Variants in DPYSL3 observed in about 807,000 individuals in gnomAD.
DPYSL3 encodes dihydropyrimidinase like 3.
DPYSL3 carries 16 observed loss-of-function variants against 66.1 expected under a neutral mutation model. The observed-to-expected ratio is 0.24, with a 90% CI of 0.16 to 0.37. The LOEUF is 0.37. Ranked by LOEUF, DPYSL3 falls within the 10% of genes least tolerant of loss-of-function variation. The pLI, the probability that DPYSL3 is intolerant of heterozygous loss-of-function variation, is 1.00. For synonymous variants in DPYSL3, 338 were observed against 345.1 expected (o/e 0.98, Z 0.23); for missense variants, 738 against 916.2 (o/e 0.81, Z 2.51).
rs750768155 is a variant in DPYSL3, at chr5:147,408,764, A to G, written c.996T>C (p.Thr332=). 6.2e-7 allele frequency: 1 copy of G among 1,614,240 alleles called. No homozygotes were observed. The highest frequency in any genetic ancestry group is 8.5e-7 in the Non-Finnish European group (1 of 1,180,034). The change falls in exon 7 of 14, where the codon ACT becomes ACC. Residue 332 remains threonine (T), a synonymous_variant. Coordinates refer to ENST00000343218, the MANE Select transcript of DPYSL3 (RefSeq NM_001197294.2). ...EQTRMLEMGI[T]GPEGHVLSRP... Reference sequence around the variant, plus strand: ...TGCTCAGTACATGGCCTTCTGGGCCAGTTATCCCCATTTCCAACATGCGGG... The same window carrying G: ...TGCTCAGTACATGGCCTTCTGGGCCGGTTATCCCCATTTCCAACATGCGGG...
At chr5:147,471,302 GA>G (rs922781660) in intron 1 of DPYSL3, among the ~76,000 whole-genome samples, 12 of 150,854 alleles carry the variant, frequency 8.0e-5, no homozygotes, top group East Asian at 7.8e-4. Flanking sequence ...AAACTATTGA[GA>G]AAAAAAAAGA....
intron 1 of DPYSL3, among the ~76,000 whole-genome samples, chr5:147,477,163 T>C (rs1753165969): frequency 1.3e-5 from 2 of 151,974 alleles, no homozygotes; most frequent in African/African-American, 4.8e-5. Flanking sequence ...CAAGACATGA[T>C]CAAAACAGAA....
At chr5:147,506,754 A>G (rs1159894314) in intron 1 of DPYSL3, among the ~76,000 whole-genome samples, 1 of 152,200 alleles carries the variant, frequency 6.6e-6, no homozygotes, top group Non-Finnish European at 1.5e-5. Flanking sequence ...TATTTTGTAC[A>G]GGAGAAAACT....
chr5:147,441,398 ATTC>A (rs780252680), intron 1 of DPYSL3, among the ~76,000 whole-genome samples: 43 of 152,052 alleles, frequency 2.8e-4, no homozygotes, highest in African/African-American at 8.2e-4. Flanking sequence ...GTCCTAATCT[ATTC>A]TTCTTATAAA....
intron 1 of DPYSL3, among the ~76,000 whole-genome samples, chr5:147,466,912 C>T (rs749741036): frequency 6.6e-5 from 10 of 152,128 alleles, no homozygotes; most frequent in Middle Eastern, 3.2e-3. Context: ...CAGATTGCAC[C>T]GAGCAACTTA....
intron 1 of DPYSL3, among the ~76,000 whole-genome samples, chr5:147,468,094 A>T (rs541870732): frequency 6.6e-6 from 1 of 152,186 alleles, no homozygotes; most frequent in Non-Finnish European, 1.5e-5. Flanking sequence ...TCCAACACCA[A>T]CATTTGGACC....
At chr5:147,482,664 T>C (rs948175816) in intron 1 of DPYSL3, among the ~76,000 whole-genome samples, 1 of 152,224 alleles carries the variant, frequency 6.6e-6, no homozygotes, top group African/African-American at 2.4e-5. Context: ...AAAGTCTCTA[T>C]CAAAGCAGTT....
At position 147,402,654 on chromosome 5, in the gene DPYSL3, T is replaced by A. The variant is rs143205131; in HGVS notation, c.1154-958A>T. Reference sequence around the variant, plus strand: ...GAGCCACCGCGCCCGGCCTATGACTTTTTTTTTTATCATGTTTGTTACTCC... The same window carrying A: ...GAGCCACCGCGCCCGGCCTATGACTATTTTTTTTATCATGTTTGTTACTCC... On this transcript the variant is annotated intron_variant, in intron 8 of 13. Coordinates refer to ENST00000343218, the MANE Select transcript of DPYSL3 (RefSeq NM_001197294.2). Among the ~76,000 whole-genome samples the A allele has an allele frequency of 6.9e-3, 1,025 of 149,142 alleles. 9 individuals are homozygous for A. Among genetic ancestry groups the A allele is most frequent in the Admixed American group, 0.013 (190 of 15,038 alleles).
intron 1 of DPYSL3, among the ~76,000 whole-genome samples, chr5:147,467,982 C>T (rs1419824437): frequency 1.3e-5 from 2 of 152,256 alleles, no homozygotes; most frequent in East Asian, 3.9e-4. Flanking sequence ...TTCGTGAGGG[C>T]AGAGCCTTAT....
chr5:147,418,666 A>T, intron 2 of DPYSL3, 35 bp from the exon 3 acceptor site: 1 of 1,534,536 alleles, frequency 6.5e-7, no homozygotes, highest in Non-Finnish European at 8.8e-7. Context: ...ATGATCAAAC[A>T]CTTGGTCATT....
rs1175103467 is a variant in DPYSL3 at position 147,392,711 on chromosome 5, G to T, written c.*1324C>A. ...CACTAATTTCTTTCAGGTGCCCCAT[G>T]AGGAAGACTGCATCATGTCACTTCC... On this transcript the variant is annotated 3_prime_UTR_variant, in exon 14 of 14. Coordinates refer to ENST00000343218, the MANE Select transcript of DPYSL3 (RefSeq NM_001197294.2). The T allele has an allele frequency of 6.6e-6, 1 of 152,212 alleles. No individual in the cohort carries two copies. Among genetic ancestry groups the T allele is most frequent in the Non-Finnish European group, 1.5e-5 (1 of 68,042 alleles). The allele number at this position is 152,212 out of a possible 1,614,324, so 9.4% of individuals were successfully genotyped here.
At chr5:147,441,284 G>A (rs1015635492) in intron 1 of DPYSL3, among the ~76,000 whole-genome samples, 9 of 152,136 alleles carry the variant, frequency 5.9e-5, no homozygotes, top group Admixed American at 3.9e-4. Flanking sequence ...TGAGATCAGG[G>A]TGTCAGCAGG....
intron 1 of DPYSL3, among the ~76,000 whole-genome samples, chr5:147,464,810 G>A (rs1752987569): frequency 1.3e-5 from 2 of 152,058 alleles, no homozygotes; most frequent in Admixed American, 1.3e-4. Context: ...GTCTTACTGT[G>A]GTCTTAAGAC....
chr5:147,429,295 T>C (rs1049336290), intron 1 of DPYSL3, among the ~76,000 whole-genome samples: 4 of 152,194 alleles, frequency 2.6e-5, no homozygotes, highest in Non-Finnish European at 5.9e-5. Context: ...AGCAGGGTTC[T>C]AGGCATACCA....
chr5:147,458,341 T>A (rs1237195593), intron 1 of DPYSL3, among the ~76,000 whole-genome samples: 1 of 152,192 alleles, frequency 6.6e-6, no homozygotes, highest in Non-Finnish European at 1.5e-5. Flanking sequence ...ACCAGCGCCA[T>A]GACAGTTTAC....
chr5:147,498,651 T>C (rs1222225567), intron 1 of DPYSL3, among the ~76,000 whole-genome samples: 6 of 152,234 alleles, frequency 3.9e-5, no homozygotes, highest in Admixed American at 3.9e-4. Context: ...TGAGATGGTA[T>C]CTCATTGTGG....
intron 1 of DPYSL3, chr5:147,453,755 C>T: frequency 6.8e-6 from 9 of 1,318,962 alleles, no homozygotes; most frequent in South Asian, 4.2e-5. Flanking sequence ...CCCGCGGCGG[C>T]TGCCAGAGAC....
In DPYSL3 at chr5:147,397,663, T is replaced by C. The variant is rs1249591412; in HGVS notation, c.1803+3A>G. On this transcript the variant is annotated splice_donor_region_variant and intron_variant, in intron 12 of 13. Coordinates refer to ENST00000343218, the MANE Select transcript of DPYSL3 (RefSeq NM_001197294.2). ...ACCACCTCAGAGCTCCAATGCTTTTTACCTTCCTCCGTGCTTTAATGCGCT... is the reference window on the plus strand; with the variant it reads ...ACCACCTCAGAGCTCCAATGCTTTTCACCTTCCTCCGTGCTTTAATGCGCT... 1.9e-6 allele frequency: 3 copies of C among 1,612,694 alleles called. No individual in the cohort carries two copies. The highest frequency in any genetic ancestry group is 2.5e-6 in the Non-Finnish European group (3 of 1,178,910).
chr5:147,395,061 T>C (rs73794708), intron 13 of DPYSL3, among the ~76,000 whole-genome samples: 5,706 of 152,294 alleles, frequency 0.037, 353 homozygotes, highest in African/African-American at 0.13. Flanking sequence ...TAACACATAG[T>C]AGATGTTCAA....
Sources: allele counts gnomAD v4.1 joint callset (sites outside exome capture counted in the v4.1 genomes callset), GRCh38; gene constraint gnomAD v4.1.1; transcripts MANE v1.5; gene names NCBI Gene and HGNC (gene_info 2026-07-23, HGNC 2026-07-21).